Variants in TOMM70 observed in about 807,000 individuals in gnomAD.
TOMM70 encodes mitochondrial import receptor subunit TOM70.
A neutral mutation model predicts 73.6 loss-of-function variants in TOMM70; 13 were observed. That is an observed-to-expected ratio of 0.18 (90% CI 0.11 to 0.28). TOMM70 has a LOEUF of 0.28. TOMM70 is among the 10% of genes least tolerant of loss of function. The probability of loss-of-function intolerance (pLI) is 1.00; values close to 1 mark genes in which losing one functional copy is unlikely to be tolerated. For missense variants in TOMM70, 609 were observed against 747.5 expected (o/e 0.81, Z 2.16); for synonymous variants, 257 against 271.2 (o/e 0.95, Z 0.51).
chr3:100,394,445 G>A (rs1276288495), intron 1 of TOMM70, among the ~76,000 whole-genome samples: 1 of 150,724 alleles, frequency 6.6e-6, no homozygotes, highest in Non-Finnish European at 1.5e-5. Context: ...AAATAACTCT[G>A]GAACACTTAC....
rs755862037 is a variant in TOMM70 at position 100,377,866 on chromosome 3, C to T, written c.931G>A (p.Asp311Asn). The T allele has an allele frequency of 1.5e-5, 24 of 1,613,980 alleles. No homozygotes were observed. The highest frequency in any genetic ancestry group is 4.4e-5 in the South Asian group (4 of 91,074). ...TTTGAGCATTCACTTATGATTTTAT[C>T]GTAGTTTTCTTCTTCCATATACTGT... is the stretch of plus-strand genomic sequence containing the variant. The part of the protein sequence containing the change: ...AKQYMEEENY[D>N]KIISECSKEI... The change falls in exon 6 of 12, where the codon GAT becomes AAT. Residue 311 changes from aspartate to asparagine, a missense_variant. Transcript: ENST00000284320.
At chr3:100,393,947 G>C (rs1706792381) in intron 1 of TOMM70, among the ~76,000 whole-genome samples, 1 of 151,986 alleles carries the variant, frequency 6.6e-6, no homozygotes. Context: ...AAATGCACCA[G>C]CCTCTAAAAA....
chr3:100,381,496 ATCTC>A (rs1460300236), intron 5 of TOMM70, 115 bp downstream of exon 5: 89 of 590,704 alleles, frequency 1.5e-4, no homozygotes, highest in Non-Finnish European at 1.9e-4. Flanking sequence ...ATTTCTGTCT[ATCTC>A]TATCTGTAGA....
intron 9 of TOMM70, among the ~76,000 whole-genome samples, chr3:100,370,699 CATAT>C (rs1309356353): frequency 6.6e-6 from 1 of 152,134 alleles, no homozygotes; most frequent in Non-Finnish European, 1.5e-5. Context: ...TATAAAGTTA[CATAT>C]ACTATATAGT....
chr3:100,393,376 A>G (rs762255672), intron 1 of TOMM70, among the ~76,000 whole-genome samples: 1 of 152,192 alleles, frequency 6.6e-6, no homozygotes, highest in Non-Finnish European at 1.5e-5. Context: ...GTTCTCACTT[A>G]TAAGTGGGAG....
At chr3:100,376,691 A>C (rs1167735518) in intron 6 of TOMM70, among the ~76,000 whole-genome samples, 1 of 151,728 alleles carries the variant, frequency 6.6e-6, no homozygotes, top group Non-Finnish European at 1.5e-5. Context: ...TAACAGTTTT[A>C]TAGTTTTAGC....
At chr3:100,399,989 G>A (rs955241914) in intron 1 of TOMM70, among the ~76,000 whole-genome samples, 2 of 152,112 alleles carry the variant, frequency 1.3e-5, no homozygotes, top group Admixed American at 6.5e-5. Context: ...TGCTGAGAGA[G>A]GACGAGCCTT....
At chr3:100,379,969 A>T (rs1418951267) in intron 5 of TOMM70, among the ~76,000 whole-genome samples, 1 of 152,192 alleles carries the variant, frequency 6.6e-6, no homozygotes, top group Non-Finnish European at 1.5e-5. Flanking sequence ...CAAAAATCTT[A>T]TAAGCTCTAT....
Position 100,369,002 on chromosome 3 carries a change from T to G in TOMM70, c.1550+36A>C, listed in dbSNP as rs973597483. ...TACATTTTATTACTATGCAAGAAAT[T>G]TATTATCTCATTGGAACAATCACAA... is the stretch of plus-strand genomic sequence containing the variant. On this transcript the variant is annotated intron_variant, in intron 10 of 11. Coordinates refer to ENST00000284320, the MANE Select transcript of TOMM70 (RefSeq NM_014820.5). 6.8e-6 allele frequency: 10 copies of G among 1,471,106 alleles called. No homozygotes were observed. In the African/African-American group the frequency reaches 1.3e-4, roughly 19 times the overall value. 91.1% of individuals were successfully genotyped at this position (1,471,106 alleles called of 1,614,324 possible).
At chr3:100,397,920 ACT>A (rs1706843348) in intron 1 of TOMM70, among the ~76,000 whole-genome samples, 1 of 151,730 alleles carries the variant, frequency 6.6e-6, no homozygotes, top group African/African-American at 2.4e-5. Context: ...AAACTAAAAA[ACT>A]CTGAAATATC....
At position 100,371,367 on chromosome 3, in the gene TOMM70, C is replaced by T. The variant is rs140112052; in HGVS notation, c.1452+1239G>A. On this transcript the variant is annotated intron_variant, in intron 9 of 11. Coordinates refer to ENST00000284320, the MANE Select transcript of TOMM70 (RefSeq NM_014820.5). ...GCAACCTCCGCCTCCTGGGTTCAAG[C>T]GATTCTCCTACCTCAGCCTCCCGAG... Among the ~76,000 whole-genome samples the T allele has an allele frequency of 6.1e-3, 895 of 147,120 alleles. 8 individuals carry two copies. The highest frequency in any genetic ancestry group is 9.5e-3 in the Admixed American group (135 of 14,252).
At chr3:100,393,591 A>T (rs1706788350) in intron 1 of TOMM70, among the ~76,000 whole-genome samples, 1 of 152,230 alleles carries the variant, frequency 6.6e-6, no homozygotes, top group Non-Finnish European at 1.5e-5. Context: ...ACCACAAAAG[A>T]TATTGAAATA....
At chr3:100,370,766 C>G (rs1706501067) in intron 9 of TOMM70, among the ~76,000 whole-genome samples, 2 of 152,174 alleles carry the variant, frequency 1.3e-5, no homozygotes, top group African/African-American at 4.8e-5. Flanking sequence ...TGCAAACTGA[C>G]TGTAATAATG....
intron 5 of TOMM70, among the ~76,000 whole-genome samples, chr3:100,378,380 T>A (rs1706589979): frequency 6.7e-6 from 1 of 148,372 alleles, no homozygotes. Context: ...GGGGTTGGGG[T>A]GGGGAGGGGC....
chr3:100,398,968 A>G (rs1210625560), intron 1 of TOMM70, among the ~76,000 whole-genome samples: 2 of 152,178 alleles, frequency 1.3e-5, no homozygotes, highest in African/African-American at 2.4e-5. Flanking sequence ...CTTCCTTTAA[A>G]GCTAATTTGA....
intron 1 of TOMM70, among the ~76,000 whole-genome samples, chr3:100,395,776 T>C (rs372596238): frequency 6.6e-6 from 1 of 152,298 alleles, no homozygotes; most frequent in East Asian, 1.9e-4. Context: ...CTGTATTAGG[T>C]TCTGGCAATA....
chr3:100,371,458 G>A (rs539000496), intron 9 of TOMM70, among the ~76,000 whole-genome samples: 1 of 148,760 alleles, frequency 6.7e-6, no homozygotes, highest in Admixed American at 6.8e-5. Flanking sequence ...GTAGAGATGG[G>A]GTTTCTCCAT....
In TOMM70 at chr3:100,368,184, T is replaced by A. The variant is rs2148888482; in HGVS notation, c.1551-18A>T. ...GAAGTAAACTGCAAATGCAAAAAAA[T>A]GTCAGATGTGACCATGGCCCAGTAT... On this transcript the variant is annotated intron_variant, in intron 10 of 11. Transcript: ENST00000284320. 6.2e-7 allele frequency: 1 copy of A among 1,609,068 alleles called. No homozygotes were observed. The highest frequency in any genetic ancestry group is 1.1e-5 in the South Asian group (1 of 90,082).
intron 1 of TOMM70, among the ~76,000 whole-genome samples, chr3:100,393,559 CAT>C (rs2148894583): frequency 6.6e-6 from 1 of 152,198 alleles, no homozygotes; most frequent in South Asian, 2.1e-4. Context: ...ACAATTCATC[CAT>C]GTGACCAAAA....
Sources: gnomAD v4.1 joint callset for allele counts (sites outside exome capture counted in the v4.1 genomes callset) on GRCh38, gnomAD v4.1.1 for gene constraint, MANE v1.5 for transcripts, NCBI Gene and HGNC (gene_info 2026-07-23, HGNC 2026-07-21) for gene names.